The following INSYN2B variants were observed in gnomAD, a reference collection of about 807,000 sequenced individuals.
INSYN2B encodes inhibitory synaptic factor family member 2B.
Under a neutral mutation model 41.2 loss-of-function variants are expected in INSYN2B, and 16 were observed. The observed-to-expected ratio is 0.39, with a 90% CI of 0.26 to 0.59. INSYN2B has a LOEUF of 0.59. Ranked by LOEUF, INSYN2B falls within the 20% of genes least tolerant of loss-of-function variation. The pLI, the probability that INSYN2B is intolerant of heterozygous loss-of-function variation, is 0.57. For synonymous variants in INSYN2B, 245 were observed against 244.4 expected (o/e 1.00, Z -0.02); for missense variants, 608 against 646.4 (o/e 0.94, Z 0.64).
At chr5:169,899,539 T>C (rs890211157) in intron 1 of INSYN2B, among the ~76,000 whole-genome samples, 2 of 152,150 alleles carry the variant, frequency 1.3e-5, no homozygotes, top group African/African-American at 2.4e-5. Flanking sequence ...GGCCAAAAGA[T>C]CAATAATGGA....
chr5:169,928,844 A>C (rs370083324), intron 1 of INSYN2B, among the ~76,000 whole-genome samples: 4 of 152,246 alleles, frequency 2.6e-5, no homozygotes, highest in African/African-American at 9.6e-5. Flanking sequence ...CTCAGTGATG[A>C]AAATTATTAA....
chr5:169,947,981 G>A (rs1468341467), intron 1 of INSYN2B, among the ~76,000 whole-genome samples: 1 of 152,098 alleles, frequency 6.6e-6, no homozygotes, highest in Non-Finnish European at 1.5e-5. Flanking sequence ...CCAGAAGCAG[G>A]GTCAGGATTT....
At chr5:169,915,223 C>T (rs761533688) in intron 1 of INSYN2B, among the ~76,000 whole-genome samples, 5 of 152,004 alleles carry the variant, frequency 3.3e-5, no homozygotes, top group African/African-American at 9.7e-5. Context: ...AGAGAACTTT[C>T]GGGTAAAAGC....
At chr5:169,965,403 C>T (rs1475507244) in intron 1 of INSYN2B, among the ~76,000 whole-genome samples, 1 of 152,150 alleles carries the variant, frequency 6.6e-6, no homozygotes, top group African/African-American at 2.4e-5. Context: ...TTATTGCTTG[C>T]AAAACATTAT....
intron 1 of INSYN2B, among the ~76,000 whole-genome samples, chr5:169,894,665 CTCT>C (rs959132917): frequency 3.9e-5 from 6 of 152,198 alleles, no homozygotes; most frequent in Non-Finnish European, 2.9e-5. Context: ...AAAGAGCCCA[CTCT>C]TCATTTCTGA....
intron 1 of INSYN2B, among the ~76,000 whole-genome samples, chr5:169,923,861 C>G (rs1775301840): frequency 6.6e-6 from 1 of 152,166 alleles, no homozygotes; most frequent in African/African-American, 2.4e-5. Context: ...ATCCTGCAGG[C>G]CTCAGCCAGT....
At chr5:169,895,605 A>C (rs1581375546) in intron 1 of INSYN2B, among the ~76,000 whole-genome samples, 1 of 152,068 alleles carries the variant, frequency 6.6e-6, no homozygotes, top group East Asian at 1.9e-4. Flanking sequence ...GACTCCAGCC[A>C]CTGGGGGTTC....
At chr5:169,930,575 C>T (rs1270276202) in intron 1 of INSYN2B, among the ~76,000 whole-genome samples, 3 of 152,116 alleles carry the variant, frequency 2.0e-5, no homozygotes, top group Admixed American at 6.5e-5. Flanking sequence ...ATAAGAAAGT[C>T]CTTTAAAAAT....
rs547047416 is a variant in INSYN2B, at chr5:169,863,941, G to A, written c.*332C>T. On this transcript the variant is annotated 3_prime_UTR_variant, in exon 4 of 4. Transcript: ENST00000377365. ...GGAAGGAAGTGCTTGGCATCTTGGA[G>A]GTGTTGGAAGGTGTAGTGTGGGGTT... 5.3e-5 allele frequency among the ~76,000 whole-genome samples: 8 copies of A among 152,304 alleles called. No individual in the cohort carries two copies. Among genetic ancestry groups the A allele is most frequent in the African/African-American group, 1.7e-4 (7 of 41,558 alleles).
At chr5:169,914,865 A>G (rs537211979) in intron 1 of INSYN2B, among the ~76,000 whole-genome samples, 54 of 152,354 alleles carry the variant, frequency 3.5e-4, no homozygotes, top group African/African-American at 1.3e-3. Context: ...AATGATCTAC[A>G]AAGTCCCTTC....
rs1282259283 is a variant in INSYN2B at position 169,861,444 on chromosome 5, A to C, written c.*2829T>G. 2.6e-5 allele frequency among the ~76,000 whole-genome samples: 4 copies of C among 152,274 alleles called. No individual in the cohort carries two copies. Among genetic ancestry groups the C allele is most frequent in the Non-Finnish European group, 5.9e-5 (4 of 68,048 alleles). On this transcript the variant is annotated 3_prime_UTR_variant, in exon 4 of 4. Coordinates refer to ENST00000377365, the MANE Select transcript of INSYN2B (RefSeq NM_001129891.3). ...CTGGTATTAAGTTCCAAGGATAGTG[A>C]GTATGCATTTATGCATTGCTTTTTA...
chr5:169,939,425 C>T (rs981990378), intron 1 of INSYN2B, among the ~76,000 whole-genome samples: 1 of 152,074 alleles, frequency 6.6e-6, no homozygotes, highest in African/African-American at 2.4e-5. Flanking sequence ...CTGCCTGAGG[C>T]TGTTTTATAG....
intron 3 of INSYN2B, among the ~76,000 whole-genome samples, chr5:169,876,131 C>T (rs1175410461): frequency 1.3e-5 from 2 of 152,186 alleles, no homozygotes; most frequent in East Asian, 3.9e-4. Flanking sequence ...GGCGTCACAT[C>T]TCCTTCTCTG....
At chr5:169,946,054 T>C (rs1776435392) in intron 1 of INSYN2B, among the ~76,000 whole-genome samples, 1 of 152,076 alleles carries the variant, frequency 6.6e-6, no homozygotes. Context: ...TGAGCAAAGC[T>C]CCTCAGAGCC....
chr5:169,955,041 C>T (rs925793296), intron 1 of INSYN2B, among the ~76,000 whole-genome samples: 2 of 152,218 alleles, frequency 1.3e-5, no homozygotes, highest in Non-Finnish European at 2.9e-5. Context: ...CACAGGTCTC[C>T]ACCAGCCAAG....
intron 1 of INSYN2B, among the ~76,000 whole-genome samples, chr5:169,900,137 C>T (rs974522769): frequency 6.6e-5 from 10 of 152,180 alleles, no homozygotes; most frequent in Admixed American, 2.6e-4. Context: ...GGAACACCTC[C>T]AAGCTCTCAG....
At chr5:169,872,118 C>T (rs1224345662) in intron 3 of INSYN2B, among the ~76,000 whole-genome samples, 1 of 152,182 alleles carries the variant, frequency 6.6e-6, no homozygotes, top group African/African-American at 2.4e-5. Flanking sequence ...GAAGACAAAC[C>T]ATCTTCCAAA....
At chr5:169,954,299 TA>T (rs1031467964) in intron 1 of INSYN2B, among the ~76,000 whole-genome samples, 12 of 152,396 alleles carry the variant, frequency 7.9e-5, no homozygotes, top group Non-Finnish European at 1.5e-4. Context: ...AAATTGTTTT[TA>T]AGTGTAATAA....
chr5:169,960,836 C>T (rs1406714035), intron 1 of INSYN2B, among the ~76,000 whole-genome samples: 1 of 152,216 alleles, frequency 6.6e-6, no homozygotes, highest in Non-Finnish European at 1.5e-5. Context: ...ATCCTACTCT[C>T]TTTGCCTAGG....
Sources: gnomAD v4.1 joint callset for allele counts (sites outside exome capture counted in the v4.1 genomes callset) on GRCh38, gnomAD v4.1.1 for gene constraint, MANE v1.5 for transcripts, NCBI Gene and HGNC (gene_info 2026-07-23, HGNC 2026-07-21) for gene names.